The following PBX1 variants were observed in gnomAD, a reference collection of about 807,000 sequenced individuals.
PBX1 encodes the protein PBX homeobox 1.
In PBX1, 6 loss-of-function variants were observed where a neutral mutation model predicts 53.4. The observed-to-expected ratio is 0.11, with a 90% confidence interval of 0.06 to 0.22. The LOEUF (loss-of-function observed/expected upper bound fraction) is 0.22. Ranked by LOEUF, PBX1 falls within the 10% of genes least tolerant of loss-of-function variation. The pLI is 1.00. For synonymous variants in PBX1, 204 were observed against 212.3 expected (o/e 0.96, Z 0.34); for missense variants, 251 against 551.4 (o/e 0.46, Z 5.46).
At chr1:164,727,542 A>G (rs1434169280) in intron 2 of PBX1, among the ~76,000 whole-genome samples, 1 of 152,134 alleles carries the variant, frequency 6.6e-6, no homozygotes, top group Non-Finnish European at 1.5e-5. Context: ...TTTTATTCTT[A>G]AGTCTTAGAG....
At chr1:164,640,581 A>C (rs1194444262) in intron 2 of PBX1, among the ~76,000 whole-genome samples, 1 of 140,736 alleles carries the variant, frequency 7.1e-6, no homozygotes, top group Non-Finnish European at 1.5e-5. Flanking sequence ...TTTTTAGACG[A>C]AATTTTGCTC....
rs59042806 is a variant in PBX1 at position 164,724,670 on chromosome 1, ATTTTTTTTTTTTTTTTT to A, written c.266-67801_266-67785del. 1.6e-3 allele frequency among the ~76,000 whole-genome samples: 75 copies of A among 48,244 alleles called. 1 individual carries two copies. The highest frequency in any genetic ancestry group is 3.0e-3 in the Admixed American group (8 of 2,706). 31.6% of individuals were successfully genotyped at this position (48,244 alleles called of 152,430 possible). A position where few individuals can be genotyped will look rare whatever the true frequency, so the allele number is the denominator to read the frequency against. On this transcript the variant is annotated intron_variant, in intron 2 of 8. Transcript: ENST00000420696. ...CAGATGCCCATTGCAATAGCTGCAG[ATTTTTTTTTTTTTTTTT>A]TTTTTTTTTTTTTTTTTTTTTTAGT...
At chr1:164,877,437 C>A (rs1435279870) in intron 2 of PBX1, among the ~76,000 whole-genome samples, 2 of 152,084 alleles carry the variant, frequency 1.3e-5, no homozygotes, top group East Asian at 3.9e-4. Context: ...CAGAGGCGGA[C>A]CGATCACTTG....
chr1:164,862,466 G>A (rs146382359), intron 2 of PBX1, among the ~76,000 whole-genome samples: 1 of 152,110 alleles, frequency 6.6e-6, no homozygotes, highest in African/African-American at 2.4e-5. Context: ...ACACTTTTAT[G>A]TCAGCTTAGT....
intron 8 of PBX1, among the ~76,000 whole-genome samples, chr1:164,830,556 C>T (rs1490543450): frequency 6.6e-6 from 1 of 152,118 alleles, no homozygotes; most frequent in South Asian, 2.1e-4. Flanking sequence ...GAAATACCTA[C>T]ATTTGTTATG....
chr1:164,856,399 T>C (rs1415591351), downstream of PBX1, among the ~76,000 whole-genome samples: 1 of 152,218 alleles, frequency 6.6e-6, no homozygotes, highest in Non-Finnish European at 1.5e-5. Flanking sequence ...CCCTTCTCTG[T>C]CTTGCATAGG....
chr1:164,667,715 C>T (rs1047487419), intron 2 of PBX1, among the ~76,000 whole-genome samples: 15 of 152,274 alleles, frequency 9.9e-5, no homozygotes, highest in East Asian at 1.9e-4. Context: ...GCCGAGACAA[C>T]GCATTTCAAA....
intron 2 of PBX1, among the ~76,000 whole-genome samples, chr1:164,785,027 G>C (rs1342744952): frequency 2.0e-5 from 3 of 152,132 alleles, no homozygotes; most frequent in Non-Finnish European, 2.9e-5. Flanking sequence ...GAGACAACCC[G>C]GGGGAACAAG....
intron 2 of PBX1, among the ~76,000 whole-genome samples, chr1:164,645,049 T>A (rs746159117): frequency 3.5e-4 from 54 of 152,226 alleles, no homozygotes; most frequent in South Asian, 2.5e-3. Context: ...TATCTCTTTG[T>A]TTAGTTTTGG....
chr1:164,613,061 A>C (rs537263801), intron 2 of PBX1, among the ~76,000 whole-genome samples: 9 of 152,284 alleles, frequency 5.9e-5, no homozygotes, highest in South Asian at 2.1e-4. Context: ...ACAACAACAA[A>C]AAAACCCTTC....
chr1:164,764,570 A>G (rs1037733911), intron 2 of PBX1, among the ~76,000 whole-genome samples: 2 of 152,160 alleles, frequency 1.3e-5, no homozygotes, highest in African/African-American at 4.8e-5. Context: ...GCACCATCAC[A>G]TATTTTATTT....
intron 2 of PBX1, among the ~76,000 whole-genome samples, chr1:164,708,715 A>T (rs1350724074): frequency 6.6e-6 from 1 of 152,222 alleles, no homozygotes; most frequent in Non-Finnish European, 1.5e-5. Context: ...CCATCAACAT[A>T]TACAATCTTT....
At chr1:164,845,023 G>A (rs1477972213) in intron 8 of PBX1, among the ~76,000 whole-genome samples, 9 of 152,158 alleles carry the variant, frequency 5.9e-5, no homozygotes, top group Admixed American at 5.9e-4. Flanking sequence ...AGATTGGGGA[G>A]CGGTGTTCTT....
chr1:164,601,508 A>G (rs1220468024), intron 2 of PBX1, among the ~76,000 whole-genome samples: 3 of 152,158 alleles, frequency 2.0e-5, no homozygotes, highest in Non-Finnish European at 4.4e-5. Flanking sequence ...GGAATAGGGG[A>G]AAAAACCATC....
At chr1:164,704,212 A>G (rs1663294751) in intron 2 of PBX1, among the ~76,000 whole-genome samples, 1 of 152,192 alleles carries the variant, frequency 6.6e-6, no homozygotes, top group Non-Finnish European at 1.5e-5. Context: ...TCTTGTGGGA[A>G]ATATGATAAT....
At chr1:164,613,585 A>G (rs945604532) in intron 2 of PBX1, among the ~76,000 whole-genome samples, 1 of 152,136 alleles carries the variant, frequency 6.6e-6, no homozygotes, top group Non-Finnish European at 1.5e-5. Flanking sequence ...TGTTGCGGTT[A>G]TGATCTGTGT....
chr1:164,596,871 TAA>T (rs879334067), intron 2 of PBX1, among the ~76,000 whole-genome samples: 2 of 142,898 alleles, frequency 1.4e-5, no homozygotes. Flanking sequence ...TTTTCTAAAT[TAA>T]AAAAAAAAAA....
At chr1:164,807,873 A>T (rs1218602439) in intron 5 of PBX1, among the ~76,000 whole-genome samples, 196 bp downstream of exon 5, 1 of 152,234 alleles carries the variant, frequency 6.6e-6, no homozygotes, top group Non-Finnish European at 1.5e-5. Flanking sequence ...AAAACTTGAG[A>T]AGAACCAGCA....
intron 2 of PBX1, among the ~76,000 whole-genome samples, chr1:164,725,029 G>A (rs114890893): frequency 1.4e-3 from 210 of 152,220 alleles, no homozygotes; most frequent in African/African-American, 4.8e-3. Context: ...ATAGGAAAAA[G>A]AGGAATCTCT....
Sources: gnomAD v4.1 joint callset for allele counts (sites outside exome capture counted in the v4.1 genomes callset) on GRCh38, gnomAD v4.1.1 for gene constraint, MANE v1.5 for transcripts, NCBI Gene and HGNC (gene_info 2026-07-23, HGNC 2026-07-21) for gene names.